The following NDUFAF7 variants were observed in gnomAD, a reference collection of about 807,000 sequenced individuals.
NDUFAF7 encodes NADH:ubiquinone oxidoreductase complex assembly factor 7, also known as protein arginine methyltransferase NDUFAF7, mitochondrial.
In NDUFAF7, 48 loss-of-function variants were observed where a neutral mutation model predicts 47.2. That is an observed-to-expected ratio of 1.02 (90% CI 0.81 to 1.29). NDUFAF7 has a LOEUF of 1.29. Ranked by LOEUF, NDUFAF7 falls within the 50% of genes most tolerant of loss-of-function variation. NDUFAF7 has a pLI of 0.00. For missense variants in NDUFAF7, 635 were observed against 537.6 expected (o/e 1.18, Z -1.79); for synonymous variants, 217 against 190.0 (o/e 1.14, Z -1.17).
chr2:37,242,108 G>C, intron 5 of NDUFAF7: 1 of 382,540 alleles, frequency 2.6e-6, no homozygotes, highest in Non-Finnish European at 4.8e-6. Flanking sequence ...GGGGCTGATG[G>C]AAGCAGTGTT....
chr2:37,252,290 A>G (rs1433510298), downstream of NDUFAF7: 2 of 123,658 alleles, frequency 1.6e-5, no homozygotes, highest in Admixed American at 8.0e-5. Flanking sequence ...AGGTAAAGAT[A>G]AATTGTGTAA....
chr2:37,254,164 C>T (rs754914117), downstream of NDUFAF7: 5 of 1,465,158 alleles, frequency 3.4e-6, no homozygotes, highest in Non-Finnish European at 4.8e-6. Flanking sequence ...GTGAACTACT[C>T]AAATGAGGAT....
downstream of NDUFAF7, chr2:37,253,071 T>G: frequency 8.4e-7 from 1 of 1,185,888 alleles, no homozygotes; most frequent in Non-Finnish European, 1.2e-6. Context: ...ATCATATTTC[T>G]TCATATCTTT....
At chr2:37,245,391 T>C (rs1270915074) in intron 7 of NDUFAF7, among the ~76,000 whole-genome samples, 3 of 152,224 alleles carry the variant, frequency 2.0e-5, no homozygotes, top group Non-Finnish European at 4.4e-5. Context: ...ACTAGTCAGG[T>C]TGACAAGTGT....
the NDUFAF7 span, among the ~76,000 whole-genome samples, chr2:37,261,967 T>C: frequency 6.6e-6 from 1 of 152,122 alleles, no homozygotes; most frequent in South Asian, 2.1e-4. Flanking sequence ...TAGTGTAAAA[T>C]GGTCTTTGTG....
chr2:37,259,097 A>C, the NDUFAF7 span, among the ~76,000 whole-genome samples: 1 of 152,104 alleles, frequency 6.6e-6, no homozygotes, highest in African/African-American at 2.4e-5. Flanking sequence ...AGAGAGTGCT[A>C]CATGTAGCCA....
At chr2:37,234,506 G>A (rs971252028) in intron 2 of NDUFAF7, among the ~76,000 whole-genome samples, 4 of 152,132 alleles carry the variant, frequency 2.6e-5, no homozygotes, top group African/African-American at 9.7e-5. Context: ...AAAACACTCT[G>A]TGAAGGGGTC....
intron 6 of NDUFAF7, among the ~76,000 whole-genome samples, chr2:37,243,321 C>T (rs905956611): frequency 1.3e-5 from 2 of 152,036 alleles, no homozygotes; most frequent in Admixed American, 6.5e-5. Context: ...CTTGGTGGCA[C>T]GTGCCTGTAC....
chr2:37,241,433 A>G (rs1302780740), intron 4 of NDUFAF7, 145 bp from the exon 5 acceptor site: 5 of 677,710 alleles, frequency 7.4e-6, no homozygotes, highest in African/African-American at 1.8e-5. Flanking sequence ...ATTCTTATAG[A>G]CTGCTGGAGA....
chr2:37,268,409 A>C, the NDUFAF7 span: 1 of 465,944 alleles, frequency 2.1e-6, no homozygotes, highest in African/African-American at 2.0e-5. Context: ...ATATGCATGC[A>C]GAGTCAACAC....
At chr2:37,234,281 C>T (rs1484410584) in intron 2 of NDUFAF7, among the ~76,000 whole-genome samples, 1 of 151,990 alleles carries the variant, frequency 6.6e-6, no homozygotes, top group Admixed American at 6.6e-5. Context: ...CAATGGAGAT[C>T]GGGTTTTGCC....
At chr2:37,243,663 C>G (rs1411389080) in intron 6 of NDUFAF7, among the ~76,000 whole-genome samples, 200 bp from the exon 7 acceptor site, 1 of 152,086 alleles carries the variant, frequency 6.6e-6, no homozygotes, top group South Asian at 2.1e-4. Context: ...ACAGCGTCAT[C>G]TCTGTTATTG....
chr2:37,248,966 G>T lies in NDUFAF7; in HGVS notation c.*616G>T, dbSNP rs1667223211. The T allele has an allele frequency of 1.3e-5, 2 of 154,064 alleles. No homozygotes were observed. The highest frequency in any genetic ancestry group is 2.9e-5 in the Non-Finnish European group (2 of 69,322). The allele number at this position is 154,064 out of a possible 1,614,324, so 9.5% of individuals were successfully genotyped here. On this transcript the variant is annotated 3_prime_UTR_variant, in exon 10 of 10. Coordinates refer to ENST00000002125, the MANE Select transcript of NDUFAF7 (RefSeq NM_144736.5). ...ATTGTTTTAATAAAAATGGGAAACA[G>T]ACTAAATGGCTATTCACAGGAAACT...
chr2:37,261,386 C>A, the NDUFAF7 span, among the ~76,000 whole-genome samples: 7 of 152,114 alleles, frequency 4.6e-5, no homozygotes, highest in African/African-American at 1.7e-4. Flanking sequence ...ACTCGGGAGG[C>A]TGAGGCAGGA....
chr2:37,256,623 C>G, downstream of NDUFAF7: 2 of 1,392,534 alleles, frequency 1.4e-6, no homozygotes, highest in Non-Finnish European at 1.9e-6. Flanking sequence ...AAACACATAG[C>G]CAAAATTTTT....
the NDUFAF7 span, among the ~76,000 whole-genome samples, chr2:37,261,018 T>C: frequency 2.6e-5 from 4 of 152,202 alleles, no homozygotes; most frequent in Non-Finnish European, 5.9e-5. Context: ...CAAAAACAAA[T>C]TCATGAAGTC....
In NDUFAF7 at chr2:37,244,041, A is replaced by G. The variant is rs527855953; in HGVS notation, c.792+68A>G. 2.7e-4 allele frequency: 356 copies of G among 1,318,976 alleles called. 6 individuals are homozygous for G. In the South Asian group the frequency reaches 4.2e-3, roughly 16 times the overall value. 81.7% of individuals were successfully genotyped at this position (1,318,976 alleles called of 1,614,324 possible). A position where few individuals can be genotyped will look rare whatever the true frequency, so the allele number is the denominator to read the frequency against. On this transcript the variant is annotated intron_variant, in intron 7 of 9. Coordinates refer to ENST00000002125, the MANE Select transcript of NDUFAF7 (RefSeq NM_144736.5). ...TCTTCAAAGTCTTATTTTCTGAGTT[A>G]CTACTTTAGAGTTTTAGAGTTCCTT...
In NDUFAF7 at chr2:37,248,758, T is replaced by C. The variant is rs1667195297; in HGVS notation, c.*408T>C. 7.8e-6 allele frequency: 2 copies of C among 256,932 alleles called. No individual in the cohort carries two copies. Among genetic ancestry groups the C allele is most frequent in the South Asian group, 9.0e-5 (2 of 22,206 alleles). The allele number at this position is 256,932 out of a possible 1,614,324, so 15.9% of individuals were successfully genotyped here. On this transcript the variant is annotated 3_prime_UTR_variant, in exon 10 of 10. Coordinates refer to ENST00000002125, the MANE Select transcript of NDUFAF7 (RefSeq NM_144736.5). ...GGAGAAACCCCATCTCTACTAAAAA[T>C]ACAAAACTAGCCGGGTATGGTGGTA...
the NDUFAF7 span, chr2:37,267,747 A>G: frequency 5.8e-5 from 28 of 481,298 alleles, no homozygotes; most frequent in Non-Finnish European, 9.8e-5. Flanking sequence ...AGTCAGCTGC[A>G]TTATCTAAAC....
Sources: allele counts gnomAD v4.1 joint callset (sites outside exome capture counted in the v4.1 genomes callset), GRCh38; gene constraint gnomAD v4.1.1; transcripts MANE v1.5; gene names NCBI Gene and HGNC (gene_info 2026-07-23, HGNC 2026-07-21).